The following RNF111 variants were observed in gnomAD, a reference collection of about 807,000 sequenced individuals.
RNF111 encodes E3 ubiquitin-protein ligase Arkadia.
In RNF111, 17 loss-of-function variants were observed where a neutral mutation model predicts 95.1. The observed-to-expected ratio is 0.18, with a 90% CI of 0.12 to 0.27. The LOEUF (loss-of-function observed/expected upper bound fraction) is 0.27, where lower values mean the gene tolerates loss of function less well. RNF111 is among the 10% of genes least tolerant of loss of function. The pLI, the probability that RNF111 is intolerant of heterozygous loss-of-function variation, is 1.00. For missense variants in RNF111, 1,189 were observed against 1,210.4 expected, an observed-to-expected ratio of 0.98 and a Z score of 0.26; for synonymous variants, 440 against 414.8, an observed-to-expected ratio of 1.06 and a Z score of -0.74.
intron 3 of RNF111, 124 bp from the exon 4 acceptor site, chr15:59,055,558 G>A (rs1446238): frequency 0.32 from 228,686 of 713,360 alleles, 36,621 homozygotes; most frequent in Admixed American, 0.42. Context: ...TTTTAATTAC[G>A]ATTATTTCTT....
chr15:59,076,499 C>T (rs2078567143), intron 7 of RNF111, among the ~76,000 whole-genome samples: 1 of 152,138 alleles, frequency 6.6e-6, no homozygotes, highest in African/African-American at 2.4e-5. Flanking sequence ...AAGCAGTTAG[C>T]TGAGACATAA....
At chr15:59,035,461 C>G (rs1348972897) in intron 2 of RNF111, among the ~76,000 whole-genome samples, 1 of 152,162 alleles carries the variant, frequency 6.6e-6, no homozygotes. Context: ...TTCCTAGATG[C>G]AATGAGGGTA....
At chr15:58,994,621 G>A (rs1041179286) in intron 1 of RNF111, among the ~76,000 whole-genome samples, 4 of 151,058 alleles carry the variant, frequency 2.6e-5, no homozygotes, top group African/African-American at 9.8e-5. Context: ...GAGATTATAG[G>A]TGCCCGCCAC....
intron 4 of RNF111, among the ~76,000 whole-genome samples, chr15:59,056,236 A>G (rs1461856045): frequency 6.6e-6 from 1 of 152,182 alleles, no homozygotes; most frequent in African/African-American, 2.4e-5. Context: ...GCTGTTTGAA[A>G]TGTCTAACTT....
At chr15:59,017,447 C>A (rs1385705442) in intron 1 of RNF111, among the ~76,000 whole-genome samples, 1 of 152,106 alleles carries the variant, frequency 6.6e-6, no homozygotes, top group Admixed American at 6.5e-5. Context: ...TTACCTGTTA[C>A]AGATTGTTAA....
intron 7 of RNF111, among the ~76,000 whole-genome samples, chr15:59,078,656 C>A (rs987168483): frequency 2.0e-5 from 3 of 151,160 alleles, no homozygotes; most frequent in Non-Finnish European, 4.4e-5. Context: ...GTCAGGAGTT[C>A]AAGACCAGCC....
chr15:59,001,031 G>T (rs1373305289), intron 1 of RNF111, among the ~76,000 whole-genome samples: 6 of 152,096 alleles, frequency 3.9e-5, no homozygotes, highest in Admixed American at 1.3e-4. Flanking sequence ...TTTTAATGTT[G>T]GTATTAACTA....
At chr15:59,002,858 A>G (rs1284736139) in intron 1 of RNF111, among the ~76,000 whole-genome samples, 1 of 152,034 alleles carries the variant, frequency 6.6e-6, no homozygotes, top group African/African-American at 2.4e-5. Context: ...TTTCTCTCCC[A>G]GGAATACTCT....
intron 1 of RNF111, among the ~76,000 whole-genome samples, chr15:58,993,899 G>A (rs1218076527): frequency 6.6e-6 from 1 of 152,100 alleles, no homozygotes; most frequent in Non-Finnish European, 1.5e-5. Flanking sequence ...GAAAATTTAA[G>A]AAATTCTATA....
At chr15:59,072,939 A>T (rs1002974926) in intron 6 of RNF111, among the ~76,000 whole-genome samples, 26 of 151,712 alleles carry the variant, frequency 1.7e-4, no homozygotes, top group African/African-American at 5.6e-4. Flanking sequence ...TTTGCTCCCA[A>T]CACTTTGTGG....
intron 2 of RNF111, among the ~76,000 whole-genome samples, chr15:59,038,857 G>A (rs548257623): frequency 6.6e-6 from 1 of 152,234 alleles, no homozygotes. Context: ...GGGTTCAGAT[G>A]TTGTCATTCT....
At chr15:59,064,535 C>CAA (rs35804813) in intron 5 of RNF111, among the ~76,000 whole-genome samples, 21,195 of 76,234 alleles carry the variant, frequency 0.28, 2,435 homozygotes, top group East Asian at 0.48. Flanking sequence ...GACTTTGTCG[C>CAA]AAAAAAAAAA....
chr15:58,991,350 G>GC (rs1425506000), intron 1 of RNF111, among the ~76,000 whole-genome samples: 1 of 152,096 alleles, frequency 6.6e-6, no homozygotes, highest in African/African-American at 2.4e-5. Flanking sequence ...ATTTTAAAGA[G>GC]CGGTACTGCA....
chr15:59,019,105 ATTTT>A (rs35154303), intron 1 of RNF111, among the ~76,000 whole-genome samples: 1 of 121,282 alleles, frequency 8.2e-6, no homozygotes, highest in Non-Finnish European at 1.7e-5. Context: ...GTATTTTTGT[ATTTT>A]TTTTTTTTTT....
At chr15:59,005,418 A>G (rs1316503712) in intron 1 of RNF111, among the ~76,000 whole-genome samples, 1 of 152,232 alleles carries the variant, frequency 6.6e-6, no homozygotes, top group Non-Finnish European at 1.5e-5. Flanking sequence ...AAATAAACTT[A>G]TTGGACTTCA....
chr15:59,025,044 A>G (rs981928415), intron 1 of RNF111, among the ~76,000 whole-genome samples: 1 of 152,200 alleles, frequency 6.6e-6, no homozygotes, highest in Non-Finnish European at 1.5e-5. Context: ...CGTGTATATC[A>G]CATTTGTTTA....
chr15:59,025,628 A>G (rs1180925164), intron 1 of RNF111, among the ~76,000 whole-genome samples: 1 of 152,192 alleles, frequency 6.6e-6, no homozygotes, highest in East Asian at 1.9e-4. Context: ...TTTTCACTTA[A>G]TTATATTAAA....
chr15:59,094,776 A>G lies in RNF111; in HGVS notation c.2844-7A>G, dbSNP rs758510359. 1.9e-6 allele frequency: 3 copies of G among 1,551,092 alleles called. No homozygotes were observed. The highest frequency in any genetic ancestry group is 2.2e-5 in the East Asian group (1 of 44,558). ...ATTTTTGCTTTTTGTTTTCTTGCCA[A>G]TAATAGACGTCTTCCATGTATGCAC... On this transcript the variant is annotated splice_polypyrimidine_tract_variant and splice_region_variant and intron_variant, in intron 13 of 13. Transcript: ENST00000348370.
chr15:59,012,238 C>T (rs1200662268), intron 1 of RNF111, among the ~76,000 whole-genome samples: 3 of 151,866 alleles, frequency 2.0e-5, no homozygotes, highest in African/African-American at 4.8e-5. Flanking sequence ...AGGCTGGTCT[C>T]GAACTTCTGA....
Sources: gnomAD v4.1 joint callset for allele counts (sites outside exome capture counted in the v4.1 genomes callset) on GRCh38, gnomAD v4.1.1 for gene constraint, MANE v1.5 for transcripts, NCBI Gene and HGNC (gene_info 2026-07-23, HGNC 2026-07-21) for gene names.